Variants in PRKCH observed in about 807,000 individuals in gnomAD.
PRKCH encodes protein kinase C eta, also known as protein kinase C eta type.
PRKCH carries 28 observed loss-of-function variants against 82.5 expected under a neutral mutation model. That is an observed-to-expected ratio of 0.34 (90% CI 0.25 to 0.47). The LOEUF is 0.47. PRKCH is among the 20% of genes least tolerant of loss of function. The pLI is 1.00. For synonymous variants in PRKCH, 322 were observed against 327.4 expected, an observed-to-expected ratio of 0.98 and a Z score of 0.18; for missense variants, 705 against 881.8, an observed-to-expected ratio of 0.80 and a Z score of 2.54.
At chr14:61,430,776 A>G (rs1883348730) in intron 2 of PRKCH, among the ~76,000 whole-genome samples, 1 of 147,338 alleles carries the variant, frequency 6.8e-6, no homozygotes, top group South Asian at 2.1e-4. Flanking sequence ...TTTTTTTGAG[A>G]TGGAGTCTTG....
chr14:61,333,757 TA>T (rs1186322688), intron 1 of PRKCH, among the ~76,000 whole-genome samples: 1 of 152,218 alleles, frequency 6.6e-6, no homozygotes, highest in Middle Eastern at 3.2e-3. Flanking sequence ...TATCTTTTGT[TA>T]ATATAAACTT....
At chr14:61,247,530 G>A (rs1034922552) in intron 1 of PRKCH, among the ~76,000 whole-genome samples, 2 of 152,018 alleles carry the variant, frequency 1.3e-5, no homozygotes, top group Non-Finnish European at 2.9e-5. Flanking sequence ...GAGGTCAGGA[G>A]TTCGAGACCA....
chr14:61,275,971 T>C (rs1270389588), intron 1 of PRKCH, among the ~76,000 whole-genome samples: 1 of 152,220 alleles, frequency 6.6e-6, no homozygotes, highest in East Asian at 1.9e-4. Flanking sequence ...GGGACGCATT[T>C]TTTCCTGAAT....
At chr14:61,244,033 G>T (rs2044861472) in intron 1 of PRKCH, among the ~76,000 whole-genome samples, 1 of 152,164 alleles carries the variant, frequency 6.6e-6, no homozygotes, top group Middle Eastern at 3.4e-3. Context: ...ACCGCAGCCT[G>T]GCTCTCCCAT....
chr14:61,500,001 C>T (rs768360223), intron 10 of PRKCH, among the ~76,000 whole-genome samples: 1 of 151,060 alleles, frequency 6.6e-6, no homozygotes, highest in African/African-American at 2.4e-5. Context: ...GCCTGATAGT[C>T]GCTCGTTCTG....
intron 1 of PRKCH, among the ~76,000 whole-genome samples, chr14:61,373,322 G>A (rs1210164736): frequency 5.3e-5 from 8 of 151,700 alleles, no homozygotes; most frequent in South Asian, 2.1e-4. Flanking sequence ...GCAGCATGAC[G>A]GAGCAGGGTA....
At chr14:61,373,461 C>A (rs979816088) in intron 1 of PRKCH, among the ~76,000 whole-genome samples, 12 of 151,932 alleles carry the variant, frequency 7.9e-5, no homozygotes, top group African/African-American at 2.9e-4. Flanking sequence ...TCCCAGCAGC[C>A]CCTCCCCTGA....
At chr14:61,475,577 G>A in intron 9 of PRKCH, among the ~76,000 whole-genome samples, 1 of 152,126 alleles carries the variant, frequency 6.6e-6, no homozygotes, top group African/African-American at 2.4e-5. Flanking sequence ...TAAAAGCTGT[G>A]TCCTTTTATT....
chr14:61,428,364 T>C (rs1435875485), intron 2 of PRKCH, among the ~76,000 whole-genome samples: 3 of 152,020 alleles, frequency 2.0e-5, no homozygotes, highest in Non-Finnish European at 4.4e-5. Flanking sequence ...GTCAGTTGAG[T>C]CTAAACTCCA....
At chr14:61,224,902 C>A (rs1167011199) in intron 1 of PRKCH, among the ~76,000 whole-genome samples, 1 of 152,222 alleles carries the variant, frequency 6.6e-6, no homozygotes, top group Non-Finnish European at 1.5e-5. Flanking sequence ...GAGTGCCAAA[C>A]CTATGCTAAG....
chr14:61,540,382 A>C (rs779857202), intron 12 of PRKCH, among the ~76,000 whole-genome samples: 25 of 152,178 alleles, frequency 1.6e-4, no homozygotes, highest in Admixed American at 5.9e-4. Flanking sequence ...CTGTCGGTCC[A>C]AGTATCTTAA....
intron 1 of PRKCH, among the ~76,000 whole-genome samples, chr14:61,255,684 G>T (rs1047946479): frequency 6.6e-6 from 1 of 152,056 alleles, no homozygotes; most frequent in Non-Finnish European, 1.5e-5. Flanking sequence ...GTGAGTAGGG[G>T]TATTATCTTT....
At chr14:61,191,272 C>G (rs2044405245) in intron 1 of PRKCH, among the ~76,000 whole-genome samples, 2 of 152,226 alleles carry the variant, frequency 1.3e-5, no homozygotes, top group South Asian at 2.1e-4. Context: ...TCTACACTTA[C>G]ACTGACTGAG....
At chr14:61,520,366 G>C (rs28757824) in intron 10 of PRKCH, among the ~76,000 whole-genome samples, 15,928 of 151,436 alleles carry the variant, frequency 0.11, 1,059 homozygotes, top group East Asian at 0.31. Flanking sequence ...ATATAATTTT[G>C]TATCCTGTTC....
At chr14:61,217,040 A>G (rs2044621005) in intron 1 of PRKCH, among the ~76,000 whole-genome samples, 3 of 152,108 alleles carry the variant, frequency 2.0e-5, no homozygotes, top group Admixed American at 6.5e-5. Flanking sequence ...CAAGCTCTAC[A>G]CTTTAGATTT....
chr14:61,400,499 A>G (rs555791443), intron 2 of PRKCH, among the ~76,000 whole-genome samples: 6 of 152,208 alleles, frequency 3.9e-5, no homozygotes, highest in Non-Finnish European at 5.9e-5. Context: ...TAGGAGAGAA[A>G]GAAAGGAATT....
At chr14:61,225,411 T>C (rs1409743630) in intron 1 of PRKCH, among the ~76,000 whole-genome samples, 1 of 152,216 alleles carries the variant, frequency 6.6e-6, no homozygotes, top group African/African-American at 2.4e-5. Context: ...CTGGGCTGCA[T>C]ATCCTCCTAA....
At chr14:61,207,420 C>T (rs1267424653) in intron 1 of PRKCH, among the ~76,000 whole-genome samples, 2 of 152,168 alleles carry the variant, frequency 1.3e-5, no homozygotes, top group African/African-American at 2.4e-5. Flanking sequence ...AATCCACTTG[C>T]ACATGAGCTC....
chr14:61,370,223 G>A (rs920303129), intron 1 of PRKCH, among the ~76,000 whole-genome samples: 7 of 152,104 alleles, frequency 4.6e-5, no homozygotes, highest in Non-Finnish European at 8.8e-5. Flanking sequence ...GATTACAGGC[G>A]TGAGCCACCG....
Sources: allele counts gnomAD v4.1 joint callset (sites outside exome capture counted in the v4.1 genomes callset), GRCh38; gene constraint gnomAD v4.1.1; transcripts MANE v1.5; gene names NCBI Gene and HGNC (gene_info 2026-07-23, HGNC 2026-07-21).